The following TJP1 variants were observed in gnomAD, a reference collection of about 807,000 sequenced individuals.
TJP1 encodes the protein tight junction protein ZO-1.
Under a neutral mutation model 194.2 loss-of-function variants are expected in TJP1, and 43 were observed. The observed-to-expected ratio is 0.22, with a 90% confidence interval of 0.17 to 0.29. TJP1 has a LOEUF of 0.29. TJP1 is among the 10% of genes least tolerant of loss of function. The pLI, the probability that TJP1 is intolerant of heterozygous loss-of-function variation, is 1.00. For missense variants in TJP1, 1,971 were observed against 2,185.7 expected, an observed-to-expected ratio of 0.90 and a Z score of 1.96; for synonymous variants, 801 against 779.0, an observed-to-expected ratio of 1.03 and a Z score of -0.47.
intron 18 of TJP1, among the ~76,000 whole-genome samples, chr15:29,721,062 G>A (rs148602318): frequency 6.6e-6 from 1 of 152,306 alleles, no homozygotes; most frequent in African/African-American, 2.4e-5. Context: ...GAGGGAGAAT[G>A]TTACCAAACT....
chr15:29,887,231 TAAGG>T (rs1337437269), intron 2 of TJP1, among the ~76,000 whole-genome samples: 3 of 149,178 alleles, frequency 2.0e-5, no homozygotes, highest in Admixed American at 1.3e-4. Context: ...AAAATTTTGT[TAAGG>T]TAGAAAAATA....
Position 29,762,320 on chromosome 15 carries a change from A to G in TJP1, c.693+15T>C. 6.3e-7 allele frequency: 1 copy of G among 1,591,186 alleles called. No individual in the cohort carries two copies. Among genetic ancestry groups the G allele is most frequent in the Non-Finnish European group, 8.6e-7 (1 of 1,163,164 alleles). On this transcript the variant is annotated intron_variant, in intron 6 of 27. Transcript: ENST00000614355. ...TTCTATTTCAGTTCATTAAAAAGTAAGAATATGATTATACCTTCAATACAA... is the reference window on the plus strand; with the variant it reads ...TTCTATTTCAGTTCATTAAAAAGTAGGAATATGATTATACCTTCAATACAA...
At chr15:29,882,253 T>C (rs1279498681) in intron 2 of TJP1, among the ~76,000 whole-genome samples, 2 of 152,124 alleles carry the variant, frequency 1.3e-5, no homozygotes, top group Non-Finnish European at 2.9e-5. Context: ...CCATATGTTT[T>C]GTGTTTGTGC....
intron 8 of TJP1, among the ~76,000 whole-genome samples, chr15:29,746,116 C>T (rs995234850): frequency 2.6e-5 from 4 of 152,182 alleles, no homozygotes; most frequent in Admixed American, 2.0e-4. Flanking sequence ...CAGTGGCTCA[C>T]GCCTGTAATC....
intron 1 of TJP1, among the ~76,000 whole-genome samples, chr15:29,964,215 A>G (rs1304117559): frequency 6.6e-6 from 1 of 152,160 alleles, no homozygotes; most frequent in Non-Finnish European, 1.5e-5. Context: ...AAGTGTCCTT[A>G]TAAGAGACAG....
intron 2 of TJP1, among the ~76,000 whole-genome samples, chr15:29,781,352 C>A (rs2047360131): frequency 6.6e-6 from 1 of 152,044 alleles, no homozygotes; most frequent in Non-Finnish European, 1.5e-5. Flanking sequence ...CTAAAAAAAA[C>A]CCCAGGACCA....
intron 2 of TJP1, among the ~76,000 whole-genome samples, chr15:29,876,887 C>T (rs898113933): frequency 5.9e-5 from 9 of 152,200 alleles, no homozygotes; most frequent in African/African-American, 2.2e-4. Flanking sequence ...CCAACCTTTT[C>T]CTGTGACACA....
intron 23 of TJP1, among the ~76,000 whole-genome samples, chr15:29,712,620 T>G (rs1337967516): frequency 2.0e-5 from 3 of 152,204 alleles, no homozygotes; most frequent in Admixed American, 6.5e-5. Context: ...CACTTAGTTA[T>G]GTCCCGTCTG....
At chr15:29,737,544 T>C (rs1000745541) in intron 10 of TJP1, 130 bp from the exon 11 acceptor site, 21 of 916,042 alleles carry the variant, frequency 2.3e-5, no homozygotes, top group Non-Finnish European at 3.1e-5. Flanking sequence ...CATACCACTA[T>C]TTTACTAAAT....
chr15:29,808,793 T>C (rs551013021), intron 1 of TJP1, among the ~76,000 whole-genome samples: 98 of 152,276 alleles, frequency 6.4e-4, no homozygotes, highest in Non-Finnish European at 9.8e-4. Flanking sequence ...TTGAATATCA[T>C]CATTTTGTAA....
chr15:29,949,567 TTCCACA>T (rs2055513626), intron 2 of TJP1, among the ~76,000 whole-genome samples: 3 of 10,896 alleles, frequency 2.8e-4, no homozygotes, highest in African/African-American at 6.0e-4. Context: ...CCACCTCCAC[TTCCACA>T]ACCACCACCT....
chr15:29,824,281 T>G (rs957539992), upstream of TJP1, among the ~76,000 whole-genome samples: 16 of 149,886 alleles, frequency 1.1e-4, no homozygotes, highest in African/African-American at 3.9e-4. Flanking sequence ...CCATCTCTAC[T>G]AAAAATAGGA....
At chr15:29,788,243 T>C (rs2151789279) in intron 2 of TJP1, among the ~76,000 whole-genome samples, 1 of 152,336 alleles carries the variant, frequency 6.6e-6, no homozygotes, top group South Asian at 2.1e-4. Flanking sequence ...AAGTATCTTT[T>C]CCCATTCTGT....
chr15:29,932,344 T>G (rs1479511408), intron 2 of TJP1, among the ~76,000 whole-genome samples: 1 of 152,186 alleles, frequency 6.6e-6, no homozygotes, highest in Non-Finnish European at 1.5e-5. Context: ...TATGGAAACC[T>G]GGCATTTGAC....
intron 2 of TJP1, among the ~76,000 whole-genome samples, chr15:29,793,211 T>A (rs1014918260): frequency 2.6e-5 from 4 of 152,206 alleles, no homozygotes; most frequent in Admixed American, 2.0e-4. Flanking sequence ...GGCTTTTAGA[T>A]TCCCCCCTCA....
chr15:29,804,701 T>A (rs1246219583), intron 1 of TJP1, among the ~76,000 whole-genome samples: 1 of 152,186 alleles, frequency 6.6e-6, no homozygotes, highest in Non-Finnish European at 1.5e-5. Flanking sequence ...TGTCATTTTC[T>A]CATTTCAAAC....
At chr15:29,874,806 C>A (rs1288375473) in intron 2 of TJP1, among the ~76,000 whole-genome samples, 1 of 152,170 alleles carries the variant, frequency 6.6e-6, no homozygotes, top group Admixed American at 6.5e-5. Flanking sequence ...ATAGCTGTAT[C>A]AATATTACGT....
At chr15:29,794,605 T>C (rs1270878532) in intron 2 of TJP1, among the ~76,000 whole-genome samples, 1 of 152,228 alleles carries the variant, frequency 6.6e-6, no homozygotes, top group Non-Finnish European at 1.5e-5. Context: ...CACAGGTCTG[T>C]GGCAAATACA....
At chr15:29,911,426 G>A (rs1719036) in intron 2 of TJP1, among the ~76,000 whole-genome samples, 31,845 of 152,142 alleles carry the variant, frequency 0.21, 3,621 homozygotes, top group African/African-American at 0.3. Flanking sequence ...AAAACTACCT[G>A]AGACTGGGTA....
Sources: gnomAD v4.1 joint callset for allele counts (sites outside exome capture counted in the v4.1 genomes callset) on GRCh38, gnomAD v4.1.1 for gene constraint, MANE v1.5 for transcripts, NCBI Gene and HGNC (gene_info 2026-07-23, HGNC 2026-07-21) for gene names.